Variants in HDAC3 observed in about 807,000 individuals in gnomAD.
HDAC3 encodes histone deacetylase 3, also known as SMAP45.
HDAC3 carries 21 observed loss-of-function variants against 62.3 expected under a neutral mutation model. The ratio of observed to expected loss-of-function variants is 0.34; its 90% CI spans 0.24 to 0.49. HDAC3 has a LOEUF of 0.49. Ranked by LOEUF, HDAC3 falls within the 20% of genes least tolerant of loss-of-function variation. HDAC3 has a pLI of 0.99. For synonymous variants in HDAC3, 198 were observed against 206.5 expected, an observed-to-expected ratio of 0.96 and a Z score of 0.35; for missense variants, 270 against 556.9, an observed-to-expected ratio of 0.48 and a Z score of 5.19.
rs1392116361 is a variant in HDAC3 at position 141,629,415 on chromosome 5, T to C, written c.477-109A>G. 3 of 1,461,266 alleles carry C rather than the reference T, an allele frequency of 2.1e-6. No homozygotes were observed. The allele number at this position is 1,461,266 out of a possible 1,614,324, so 90.5% of individuals were successfully genotyped here. Reference sequence around the variant, plus strand: ...AGAGTCTGCTTCTGCCCTGGTCACCTGAAACTTAATGTCACCAGTTCCCTA... The same window carrying C: ...AGAGTCTGCTTCTGCCCTGGTCACCCGAAACTTAATGTCACCAGTTCCCTA... On this transcript the variant is annotated intron_variant, in intron 6 of 14. Coordinates refer to ENST00000305264, the MANE Select transcript of HDAC3 (RefSeq NM_003883.4). This position sits in a 1 kb window ranked among gnomAD's most constrained non-coding sequence, Gnocchi z 5.3.
At chr5:141,634,740 G>A in intron 3 of HDAC3, 71 bp downstream of exon 3, 1 of 1,486,732 alleles carries the variant, frequency 6.7e-7, no homozygotes. Flanking sequence ...TCTTCCCACT[G>A]CTGCCAAAAG....
rs1007949076 is a variant in HDAC3, at chr5:141,625,801, G to A, written c.980-37C>T. 1 of 1,580,036 alleles carries A rather than the reference G, an allele frequency of 6.3e-7. No homozygotes were observed. On this transcript the variant is annotated intron_variant, in intron 12 of 14. Coordinates refer to ENST00000305264, the MANE Select transcript of HDAC3 (RefSeq NM_003883.4). The surrounding 1 kb of genome is among the most constrained non-coding windows in gnomAD (Gnocchi z 4.0). ...GAGGAGAAAGTATGGCTCAGACTGA[G>A]AAAGGCAGCTAACAAGACTTCCCAA...
chr5:141,628,289 G>C lies in HDAC3; in HGVS notation c.692-102C>G. 1 of 983,272 alleles carries C rather than the reference G, an allele frequency of 1.0e-6. No homozygotes were observed. The highest frequency in any genetic ancestry group is 1.6e-6 in the Non-Finnish European group (1 of 628,412). The allele number at this position is 983,272 out of a possible 1,614,324, so 60.9% of individuals were successfully genotyped here. A position where few individuals can be genotyped will look rare whatever the true frequency, so the allele number is the denominator to read the frequency against. On this transcript the variant is annotated intron_variant, in intron 8 of 14. Transcript: ENST00000305264. This position sits in a 1 kb window ranked among gnomAD's most constrained non-coding sequence, Gnocchi z 4.7. ...GAGCGAGCATGTAGCCCAGGAAAGGGGCCACCCAAAAGAATCAAATCACTG... is the reference window on the plus strand; with the variant it reads ...GAGCGAGCATGTAGCCCAGGAAAGGCGCCACCCAAAAGAATCAAATCACTG...
chr5:141,623,814 G>A (rs1283618044), intron 14 of HDAC3, among the ~76,000 whole-genome samples: 1 of 152,026 alleles, frequency 6.6e-6, no homozygotes, highest in African/African-American at 2.4e-5. Context: ...CCCTGCGTGG[G>A]AGCAAGACAG....
Position 141,629,760 on chromosome 5 carries a change from C to T in HDAC3, c.421-21G>A, listed in dbSNP as rs185858344. The T allele has an allele frequency of 2.2e-5, 35 of 1,613,922 alleles. No individual in the cohort carries two copies. In the East Asian group the frequency reaches 7.1e-4, roughly 33 times the overall value. On this transcript the variant is annotated intron_variant, in intron 5 of 14. Coordinates refer to ENST00000305264, the MANE Select transcript of HDAC3 (RefSeq NM_003883.4). The surrounding 1 kb of genome is among the most constrained non-coding windows in gnomAD (Gnocchi z 5.3). ...GAGGCCTATGGCAAGACAGTGGTCT[C>T]ATAAAGAGAAGAGCAATTCCCCTCC...
In HDAC3 at chr5:141,626,336, A is replaced by C. The variant is rs963751492; in HGVS notation, c.831-53T>G. The C allele has an allele frequency of 2.9e-5, 40 of 1,366,690 alleles. No individual in the cohort carries two copies. The Admixed American group carries it at 6.7e-4, about 23-fold the overall frequency. 84.7% of individuals were successfully genotyped at this position (1,366,690 alleles called of 1,614,324 possible). A position where few individuals can be genotyped will look rare whatever the true frequency, so the allele number is the denominator to read the frequency against. ...GGAGGAGGTTATCAAAAGACAAGGT[A>C]AATACCTTTAGGTATTGCCTGAAAG... On this transcript the variant is annotated intron_variant, in intron 10 of 14. Coordinates refer to ENST00000305264, the MANE Select transcript of HDAC3 (RefSeq NM_003883.4). The surrounding 1 kb of genome is among the most constrained non-coding windows in gnomAD (Gnocchi z 4.6).
chr5:141,635,375 G>A (rs1199814747), intron 2 of HDAC3, among the ~76,000 whole-genome samples: 2 of 152,204 alleles, frequency 1.3e-5, no homozygotes, highest in Non-Finnish European at 2.9e-5. Context: ...ATCTTTGGAA[G>A]GTCAGGGGGA....
chr5:141,633,644 A>G (rs1261635499), intron 3 of HDAC3, among the ~76,000 whole-genome samples: 1 of 151,848 alleles, frequency 6.6e-6, no homozygotes, highest in Non-Finnish European at 1.5e-5. Flanking sequence ...TGACCAACAT[A>G]GTGAAACCCC....
At position 141,626,286 on chromosome 5, in the gene HDAC3, G is replaced by T. The variant is rs754455022; in HGVS notation, c.831-3C>A. The T allele has an allele frequency of 9.9e-6, 16 of 1,612,332 alleles. No individual in the cohort carries two copies. In the South Asian group the frequency reaches 1.5e-4, roughly 15 times the overall value. ...TCTTGACATATTCAACGCATTCCCT[G>T]TTAAAAGGAACCAGAGGAAGATGTG... On this transcript the variant is annotated splice_polypyrimidine_tract_variant and splice_region_variant and intron_variant, in intron 10 of 14. Transcript: ENST00000305264. This position sits in a 1 kb window ranked among gnomAD's most constrained non-coding sequence, Gnocchi z 4.6.
rs2099903612 is a variant in HDAC3 at position 141,620,883 on chromosome 5, C to A, written c.*585G>T. On this transcript the variant is annotated 3_prime_UTR_variant, in exon 15 of 15. Coordinates refer to ENST00000305264, the MANE Select transcript of HDAC3 (RefSeq NM_003883.4). ...AACATTCCTAGAAAGGCGAAAGGTA[C>A]AAAAAATACCGACTTAGTTTATTGG... The A allele has an allele frequency of 6.5e-6, 1 of 153,514 alleles. No homozygotes were observed. The highest frequency in any genetic ancestry group is 2.0e-4 in the South Asian group (1 of 4,934). 9.5% of individuals were successfully genotyped at this position (153,514 alleles called of 1,614,324 possible). A position where few individuals can be genotyped will look rare whatever the true frequency, so the allele number is the denominator to read the frequency against.
rs1250159790 is a variant in HDAC3, at chr5:141,630,053, C to T, written c.354G>A (p.Leu118=). The stretch of plus-strand genomic sequence containing the variant: ...CTCGGGACTATGTCACCTTGTTGTT[C>T]AGCTGGGTTGCTCCTTGCAGAGATG... ...TGASLQGATQ[L]NNKICDIAIN... Residue 118 remains leucine (L), a synonymous_variant, in exon 4 of 15, where the codon CTG becomes CTA. Transcript: ENST00000305264. The T allele has an allele frequency of 6.2e-7, 1 of 1,614,206 alleles. No individual in the cohort carries two copies. The highest frequency in any genetic ancestry group is 1.3e-5 in the African/African-American group (1 of 75,054).
intron 14 of HDAC3, among the ~76,000 whole-genome samples, chr5:141,624,669 C>A (rs1337096767): frequency 1.3e-5 from 2 of 151,806 alleles, no homozygotes; most frequent in East Asian, 3.9e-4. Context: ...TAAGGGGGTT[C>A]ATTGCCACAT....
intron 3 of HDAC3, among the ~76,000 whole-genome samples, chr5:141,633,423 A>G (rs2099905514): frequency 6.6e-6 from 1 of 152,230 alleles, no homozygotes; most frequent in Admixed American, 6.5e-5. Context: ...TTTTTTTAAA[A>G]GAGTATCATT....
rs1350645851 is a variant in HDAC3, at chr5:141,628,066, T to A, written c.765+48A>T. The A allele has an allele frequency of 6.2e-7, 1 of 1,605,820 alleles. No homozygotes were observed. Among genetic ancestry groups the A allele is most frequent in the East Asian group, 2.2e-5 (1 of 44,846 alleles). ...GAACCTCCTCTTCCCTTGCTCTCTT[T>A]CCCCAAGCCCAGGCAGAACACTCCT... On this transcript the variant is annotated intron_variant, in intron 9 of 14. Transcript: ENST00000305264. This position sits in a 1 kb window ranked among gnomAD's most constrained non-coding sequence, Gnocchi z 4.7.
In HDAC3 at chr5:141,636,825, C is replaced by CCCGCCGCCCGCGG. The variant is rs1210251464; in HGVS notation, c.-48_-36dup. 9 of 1,479,422 alleles carry CCCGCCGCCCGCGG rather than the reference C, an allele frequency of 6.1e-6. No homozygotes were observed. Among genetic ancestry groups the CCCGCCGCCCGCGG allele is most frequent in the Admixed American group, 5.1e-5 (2 of 39,354 alleles). The allele number at this position is 1,479,422 out of a possible 1,614,324, so 91.6% of individuals were successfully genotyped here. A position where few individuals can be genotyped will look rare whatever the true frequency, so the allele number is the denominator to read the frequency against. The stretch of plus-strand genomic sequence containing the variant: ...GGGAGCAGGCCCCGCACCTCCGCCG[C>CCCGCCGCCCGCGG]CCGCCGCCCGCGGCCGCCGCCAGCC... On this transcript the variant is annotated 5_prime_UTR_variant, in exon 1 of 15. Coordinates refer to ENST00000305264, the MANE Select transcript of HDAC3 (RefSeq NM_003883.4).
intron 3 of HDAC3, among the ~76,000 whole-genome samples, chr5:141,632,954 C>G (rs184601051): frequency 6.6e-6 from 1 of 152,258 alleles, no homozygotes; most frequent in East Asian, 1.9e-4. Context: ...TTTAAAAACC[C>G]GGGATCTGGA....
intron 14 of HDAC3, chr5:141,624,901 G>T: frequency 3.4e-6 from 1 of 290,978 alleles, no homozygotes; most frequent in Non-Finnish European, 6.4e-6. Context: ...ATACAGAATA[G>T]TATATTTGCA....
Position 141,636,792 on chromosome 5 carries a change from G to T in HDAC3, c.-2C>A. ...GAAATAGGCCACGGTCTTGGCCATG[G>T]TGCCGGCGGGAGCAGGCCCCGCACC... On this transcript the variant is annotated 5_prime_UTR_variant, in exon 1 of 15. Coordinates refer to ENST00000305264, the MANE Select transcript of HDAC3 (RefSeq NM_003883.4). 1 of 1,604,042 alleles carries T rather than the reference G, an allele frequency of 6.2e-7. No individual in the cohort carries two copies. The highest frequency in any genetic ancestry group is 8.5e-7 in the Non-Finnish European group (1 of 1,174,424).
At chr5:141,630,500 AT>A (rs2099905040) in intron 3 of HDAC3, among the ~76,000 whole-genome samples, 1 of 152,214 alleles carries the variant, frequency 6.6e-6, no homozygotes, top group South Asian at 2.1e-4. Flanking sequence ...GTTCAATAAT[AT>A]TTTTCAGTCA....
Sources: allele counts gnomAD v4.1 joint callset (sites outside exome capture counted in the v4.1 genomes callset), GRCh38; gene constraint gnomAD v4.1.1; non-coding constraint Gnocchi (gnomAD v3.1); transcripts MANE v1.5; gene names NCBI Gene and HGNC (gene_info 2026-07-23, HGNC 2026-07-21).